The following LINGO2 variants were observed in gnomAD, a reference collection of about 807,000 sequenced individuals.
LINGO2 encodes leucine rich repeat and Ig domain containing 2.
A neutral mutation model predicts 30.6 loss-of-function variants in LINGO2; 14 were observed. That is an observed-to-expected ratio of 0.46 (90% CI 0.30 to 0.72). The LOEUF is 0.72. Among genes scored for constraint, LINGO2 ranks in the 30% least tolerant of loss-of-function variants. The pLI is 0.07. For synonymous variants in LINGO2, 317 were observed against 288.5 expected (o/e 1.10, Z -1.00); for missense variants, 729 against 751.7 (o/e 0.97, Z 0.35).
chr9:29,169,620 T>A, the LINGO2 span, among the ~76,000 whole-genome samples: 2 of 152,046 alleles, frequency 1.3e-5, no homozygotes, highest in Non-Finnish European at 2.9e-5. Flanking sequence ...TATTAAAAAG[T>A]CAAAAATCAA....
At chr9:29,042,883 A>C in the LINGO2 span, among the ~76,000 whole-genome samples, 1 of 151,918 alleles carries the variant, frequency 6.6e-6, no homozygotes, top group African/African-American at 2.4e-5. Context: ...ACAAAATTAT[A>C]CAAATGGAGA....
the LINGO2 span, among the ~76,000 whole-genome samples, chr9:29,171,984 A>G: frequency 6.6e-6 from 1 of 151,914 alleles, no homozygotes; most frequent in Non-Finnish European, 1.5e-5. Flanking sequence ...CTTTCAAATA[A>G]AAGTTGTTAT....
At chr9:28,796,299 G>T in the LINGO2 span, among the ~76,000 whole-genome samples, 1 of 152,048 alleles carries the variant, frequency 6.6e-6, no homozygotes, top group Non-Finnish European at 1.5e-5. Context: ...CTATCGCTTT[G>T]ATACACATAA....
chr9:28,062,496 CTA>C (rs1408950094), intron 4 of LINGO2, among the ~76,000 whole-genome samples: 12 of 143,742 alleles, frequency 8.3e-5, no homozygotes, highest in African/African-American at 3.0e-4. Flanking sequence ...TACATATATA[CTA>C]TACATGTATA....
At chr9:28,566,982 T>G (rs2014234849) in intron 1 of LINGO2, among the ~76,000 whole-genome samples, 1 of 152,200 alleles carries the variant, frequency 6.6e-6, no homozygotes, top group South Asian at 2.1e-4. Context: ...CATCTTCAGC[T>G]TTAAGTAATG....
At chr9:28,437,587 A>T (rs904873293) in intron 2 of LINGO2, among the ~76,000 whole-genome samples, 5 of 149,094 alleles carry the variant, frequency 3.4e-5, no homozygotes, top group Non-Finnish European at 7.4e-5. Context: ...AGACGCGCAC[A>T]CACACCCACA....
intron 4 of LINGO2, among the ~76,000 whole-genome samples, chr9:28,255,159 C>T (rs1173719812): frequency 6.6e-6 from 1 of 152,016 alleles, no homozygotes; most frequent in Non-Finnish European, 1.5e-5. Context: ...CCTTTCTTCT[C>T]TTTTTACCCT....
At chr9:29,056,000 T>C in the LINGO2 span, among the ~76,000 whole-genome samples, 1 of 125,510 alleles carries the variant, frequency 8.0e-6, no homozygotes, top group East Asian at 2.6e-4. Context: ...CACATTTTCT[T>C]TATCCACTCA....
At chr9:28,960,151 G>C in the LINGO2 span, among the ~76,000 whole-genome samples, 1 of 152,034 alleles carries the variant, frequency 6.6e-6, no homozygotes, top group Admixed American at 6.6e-5. Flanking sequence ...TTGACTAAAA[G>C]CATTTTAATT....
chr9:28,622,712 A>G (rs12338761), intron 1 of LINGO2, among the ~76,000 whole-genome samples: 34,586 of 151,014 alleles, frequency 0.23, 4,609 homozygotes, highest in African/African-American at 0.36. Flanking sequence ...GGATTGCTGG[A>G]TCATATGGCA....
intron 3 of LINGO2, among the ~76,000 whole-genome samples, chr9:28,299,875 T>C (rs1824069970): frequency 6.6e-6 from 1 of 152,130 alleles, no homozygotes; most frequent in African/African-American, 2.4e-5. Context: ...GAAAAGCATT[T>C]AAACCCATGA....
chr9:29,085,281 T>TAAAAA, the LINGO2 span, among the ~76,000 whole-genome samples: 119 of 76,970 alleles, frequency 1.5e-3, no homozygotes, highest in Middle Eastern at 0.01. Flanking sequence ...CTATGGTAAG[T>TAAAAA]AAAAAAAAAA....
At chr9:28,401,978 G>A (rs1266249983) in intron 2 of LINGO2, among the ~76,000 whole-genome samples, 1 of 151,962 alleles carries the variant, frequency 6.6e-6, no homozygotes, top group Non-Finnish European at 1.5e-5. Context: ...CCTTTTGATG[G>A]GGTTGTGTTT....
chr9:27,990,471 C>CCA (rs1554650619), intron 5 of LINGO2, among the ~76,000 whole-genome samples: 11 of 77,800 alleles, frequency 1.4e-4, no homozygotes, highest in Non-Finnish European at 2.7e-4. Flanking sequence ...TACCCCCCCC[C>CCA]CTTTTATTTT....
At chr9:29,167,335 G>A in the LINGO2 span, among the ~76,000 whole-genome samples, 1 of 152,086 alleles carries the variant, frequency 6.6e-6, no homozygotes, top group African/African-American at 2.4e-5. Flanking sequence ...TAGCACTTCT[G>A]TTTTCGTACT....
the LINGO2 span, among the ~76,000 whole-genome samples, chr9:28,890,013 C>A: frequency 6.6e-6 from 1 of 152,144 alleles, no homozygotes; most frequent in African/African-American, 2.4e-5. Context: ...GGTCTCTGTC[C>A]ATAAAGGTTC....
At chr9:29,194,184 G>A in the LINGO2 span, among the ~76,000 whole-genome samples, 1 of 152,138 alleles carries the variant, frequency 6.6e-6, no homozygotes, top group South Asian at 2.1e-4. Context: ...TACAGTAGGT[G>A]CTCATTAATG....
chr9:28,226,765 C>T (rs1229053674), intron 4 of LINGO2, among the ~76,000 whole-genome samples: 1 of 151,966 alleles, frequency 6.6e-6, no homozygotes. Context: ...CCCTTGGATC[C>T]ATCCCTTGGA....
intron 3 of LINGO2, among the ~76,000 whole-genome samples, chr9:28,313,732 C>A (rs372223569): frequency 1.3e-5 from 2 of 152,140 alleles, no homozygotes; most frequent in Non-Finnish European, 2.9e-5. Flanking sequence ...GTAATAAATT[C>A]TTTCCCTAAT....
Sources: allele counts gnomAD v4.1 joint callset (sites outside exome capture counted in the v4.1 genomes callset), GRCh38; gene constraint gnomAD v4.1.1; transcripts MANE v1.5; gene names NCBI Gene and HGNC (gene_info 2026-07-23, HGNC 2026-07-21).